MET: variants seen among roughly 807,000 people sequenced by gnomAD.
MET encodes the protein hepatocyte growth factor receptor.
A neutral mutation model predicts 133.1 loss-of-function variants in MET; 48 were observed. The ratio of observed to expected loss-of-function variants is 0.36; its 90% CI spans 0.29 to 0.46. The LOEUF (loss-of-function observed/expected upper bound fraction) is 0.46, where lower values mean the gene tolerates loss of function less well. Among genes scored for constraint, MET ranks in the 20% least tolerant of loss-of-function variants. MET has a pLI of 1.00. For synonymous variants in MET, 628 were observed against 616.5 expected, an observed-to-expected ratio of 1.02 and a Z score of -0.28; for missense variants, 1,442 against 1,695.9, an observed-to-expected ratio of 0.85 and a Z score of 2.63.
At chr7:116,724,800 G>T in intron 2 of MET, 2 of 1,288,714 alleles carry the variant, frequency 1.6e-6, no homozygotes, top group Non-Finnish European at 2.0e-6. Flanking sequence ...TGGAGGTGAA[G>T]ACCCTGGAGC....
At chr7:116,726,437 GCAGCCTTATAGTGTC>G (rs1792788843) in intron 2 of MET, among the ~76,000 whole-genome samples, 1 of 151,666 alleles carries the variant, frequency 6.6e-6, no homozygotes, top group African/African-American at 2.4e-5. Flanking sequence ...GTATCTTCCT[GCAGCCTTATAGTGTC>G]CACCTTATTC....
At chr7:116,770,696 C>T (rs913584058) in intron 12 of MET, among the ~76,000 whole-genome samples, 1 of 152,004 alleles carries the variant, frequency 6.6e-6, no homozygotes, top group African/African-American at 2.4e-5. Flanking sequence ...TATGTGTGGC[C>T]TATTTTACTT....
At chr7:116,674,784 G>C (rs776515946) in intron 1 of MET, among the ~76,000 whole-genome samples, 1 of 152,042 alleles carries the variant, frequency 6.6e-6, no homozygotes, top group African/African-American at 2.4e-5. Flanking sequence ...AAGGCCTTCC[G>C]TGCCCCCATT....
chr7:116,763,276 A>G lies in MET; in HGVS notation c.2583+8A>G, dbSNP rs2116957626. ...AATGTACTGGAAATTAAGGTAAGAA[A>G]TGCTTTAAACACTGTCTTAAATCAT... On this transcript the variant is annotated splice_region_variant and intron_variant, in intron 11 of 20. Transcript: ENST00000397752. The G allele has an allele frequency of 1.9e-6, 3 of 1,610,978 alleles. No homozygotes were observed. Among genetic ancestry groups the G allele is most frequent in the Non-Finnish European group, 2.5e-6 (3 of 1,177,482 alleles).
intron 14 of MET, among the ~76,000 whole-genome samples, chr7:116,772,662 A>G (rs1371807876): frequency 6.6e-6 from 1 of 152,194 alleles, no homozygotes; most frequent in African/African-American, 2.4e-5. Context: ...AAGTTACAGG[A>G]TGTGAGTCAA....
Position 116,782,086 on chromosome 7 carries a change from A to G in MET, c.3621A>G (p.Ala1207=). The change falls in exon 18 of 21, where the codon GCA becomes GCG. Residue 1207 remains alanine, a synonymous_variant. Transcript: ENST00000397752. ...SKKFVHRDLA[A]RNCMLDEKFT... is the part of the protein sequence containing the mutation. ...AGTTTGTCCACAGAGACTTGGCTGCAAGAAACTGTATGTAAGTATCAGAAT... is the reference window on the plus strand; with the variant it reads ...AGTTTGTCCACAGAGACTTGGCTGCGAGAAACTGTATGTAAGTATCAGAAT... 6.2e-7 allele frequency: 1 copy of G among 1,609,550 alleles called. No individual in the cohort carries two copies. The highest frequency in any genetic ancestry group is 8.5e-7 in the Non-Finnish European group (1 of 1,176,216).
At chr7:116,730,462 A>G (rs1792960293) in intron 2 of MET, among the ~76,000 whole-genome samples, 1 of 152,206 alleles carries the variant, frequency 6.6e-6, no homozygotes, top group African/African-American at 2.4e-5. Flanking sequence ...TTTGAAAAAG[A>G]AAATCCTGCT....
intron 19 of MET, among the ~76,000 whole-genome samples, chr7:116,786,160 G>C (rs946038990): frequency 4.6e-5 from 7 of 152,182 alleles, no homozygotes; most frequent in Non-Finnish European, 8.8e-5. Flanking sequence ...CCACCTTCTT[G>C]CTGTGTCCTC....
chr7:116,736,067 C>T (rs1251532738), intron 3 of MET, among the ~76,000 whole-genome samples: 2 of 152,020 alleles, frequency 1.3e-5, no homozygotes, highest in African/African-American at 4.8e-5. Flanking sequence ...TATGAGTCAC[C>T]GTGCCCACAA....
chr7:116,789,612 T>C (rs1584971780), intron 19 of MET, among the ~76,000 whole-genome samples: 1 of 152,158 alleles, frequency 6.6e-6, no homozygotes, highest in Non-Finnish European at 1.5e-5. Context: ...TTATTTTCTG[T>C]CTCTAGAGTT....
At chr7:116,765,333 T>C (rs2237717) in intron 11 of MET, among the ~76,000 whole-genome samples, 97,541 of 149,660 alleles carry the variant, frequency 0.65, 33,645 homozygotes, top group African/African-American at 0.9. Context: ...AATGAAAGTG[T>C]TCTGGAGAGA....
chr7:116,778,455 T>C (rs1347424934), intron 16 of MET, among the ~76,000 whole-genome samples: 1 of 152,214 alleles, frequency 6.6e-6, no homozygotes, highest in Non-Finnish European at 1.5e-5. Context: ...GTTAATTTTG[T>C]TGGAAGTCTG....
At chr7:116,791,329 A>T (rs995858972) in intron 19 of MET, among the ~76,000 whole-genome samples, 1 of 152,140 alleles carries the variant, frequency 6.6e-6, no homozygotes, top group Admixed American at 6.6e-5. Flanking sequence ...GATCCATAAG[A>T]GTTCCAGTTG....
chr7:116,754,984 G>GAAAGAAAGAAAC, intron 5 of MET, among the ~76,000 whole-genome samples: 1 of 6,070 alleles, frequency 1.6e-4, no homozygotes, highest in Non-Finnish European at 3.4e-4. Flanking sequence ...GCAGAGAAAG[G>GAAAGAAAGAAAC]AAAGAAAGAA....
At chr7:116,787,701 A>G (rs1795360740) in intron 19 of MET, among the ~76,000 whole-genome samples, 1 of 152,254 alleles carries the variant, frequency 6.6e-6, no homozygotes, top group African/African-American at 2.4e-5. Flanking sequence ...GAGGGGATTA[A>G]GTGTCCAACA....
At chr7:116,747,111 G>A (rs1011530980) in intron 5 of MET, among the ~76,000 whole-genome samples, 10 of 152,040 alleles carry the variant, frequency 6.6e-5, no homozygotes, top group Admixed American at 5.2e-4. Context: ...GTCACCATCA[G>A]GCCTGTCTTA....
chr7:116,755,904 C>G (rs1165539754), intron 6 of MET, among the ~76,000 whole-genome samples: 2 of 152,146 alleles, frequency 1.3e-5, no homozygotes, highest in Non-Finnish European at 2.9e-5. Flanking sequence ...CAGCATGGAT[C>G]CTCTCTTTTA....
intron 1 of MET, among the ~76,000 whole-genome samples, chr7:116,678,163 A>G (rs1322528151): frequency 6.6e-6 from 1 of 152,212 alleles, no homozygotes; most frequent in African/African-American, 2.4e-5. Context: ...CAGGTTGTGC[A>G]CTAATTTGTT....
intron 2 of MET, among the ~76,000 whole-genome samples, chr7:116,727,192 T>C (rs1403856425): frequency 6.6e-6 from 1 of 152,156 alleles, no homozygotes; most frequent in Non-Finnish European, 1.5e-5. Flanking sequence ...AATGAGATGA[T>C]CTCGAAAGCC....
Sources: gnomAD v4.1 joint callset for allele counts (sites outside exome capture counted in the v4.1 genomes callset) on GRCh38, gnomAD v4.1.1 for gene constraint, MANE v1.5 for transcripts, NCBI Gene and HGNC (gene_info 2026-07-23, HGNC 2026-07-21) for gene names.